CYP39A1: variants seen among roughly 807,000 people sequenced by gnomAD.
CYP39A1 encodes the protein 24-hydroxycholesterol 7-alpha-hydroxylase.
A neutral mutation model predicts 58.1 loss-of-function variants in CYP39A1; 49 were observed. The ratio of observed to expected loss-of-function variants is 0.84; its 90% CI spans 0.67 to 1.07. The LOEUF is 1.07. Ranked by LOEUF, CYP39A1 falls within the 50% of genes least tolerant of loss-of-function variation. The pLI is 0.00. For missense variants in CYP39A1, 531 were observed against 539.4 expected (o/e 0.98, Z 0.16); for synonymous variants, 209 against 187.6 (o/e 1.11, Z -0.93).
chr6:46,630,495 T>G (rs1448044791), intron 6 of CYP39A1, among the ~76,000 whole-genome samples: 1 of 152,090 alleles, frequency 6.6e-6, no homozygotes, highest in Non-Finnish European at 1.5e-5. Flanking sequence ...CACAGAAAAT[T>G]TAAATTACCA....
At chr6:46,617,419 A>G (rs2150560938) in intron 7 of CYP39A1, among the ~76,000 whole-genome samples, 1 of 152,160 alleles carries the variant, frequency 6.6e-6, no homozygotes, top group Non-Finnish European at 1.5e-5. Flanking sequence ...AGTGGGTCAA[A>G]CCTACCATCA....
chr6:46,577,311 C>A (rs776803462), intron 10 of CYP39A1, among the ~76,000 whole-genome samples: 15 of 152,116 alleles, frequency 9.9e-5, no homozygotes, highest in Non-Finnish European at 1.6e-4. Context: ...TCATTATCTG[C>A]CGCCACAAAA....
chr6:46,594,770 G>A (rs1773044478), intron 8 of CYP39A1, among the ~76,000 whole-genome samples: 1 of 151,776 alleles, frequency 6.6e-6, no homozygotes, highest in South Asian at 2.1e-4. Flanking sequence ...TTGAGAATAT[G>A]AATCCAAAAG....
In CYP39A1 at chr6:46,639,625, G is replaced by A. The variant is rs935916531; in HGVS notation, c.357C>T (p.Leu119=). 2.5e-6 allele frequency: 4 copies of A among 1,613,866 alleles called. No individual in the cohort carries two copies. The highest frequency in any genetic ancestry group is 3.4e-6 in the Non-Finnish European group (4 of 1,179,904). ...KNVFLALHEK[L]YIMLKGKMGT... ...CCATTTTCCCTTTCAACATAATATA[G>A]AGTTTTTCATGCAGTGCTAAAAAGA... The change falls in exon 3 of 12, where the codon CTC becomes CTT. Residue 119 remains leucine (L), a synonymous_variant. Transcript: ENST00000275016.
At chr6:46,633,478 G>A (rs1775777415) in intron 5 of CYP39A1, among the ~76,000 whole-genome samples, 2 of 151,992 alleles carry the variant, frequency 1.3e-5, no homozygotes, top group South Asian at 4.2e-4. Context: ...TGCTTCACTA[G>A]GCCACTGAAA....
intron 7 of CYP39A1, among the ~76,000 whole-genome samples, chr6:46,599,967 T>A (rs939112790): frequency 6.6e-6 from 1 of 152,102 alleles, no homozygotes; most frequent in African/African-American, 2.4e-5. Context: ...AAATCATCCA[T>A]GATAATTCTG....
intron 7 of CYP39A1, among the ~76,000 whole-genome samples, chr6:46,607,769 G>GA (rs545273679): frequency 1.3e-5 from 2 of 151,912 alleles, no homozygotes; most frequent in Non-Finnish European, 2.9e-5. Context: ...ATGAAAAGAT[G>GA]AAAAAAATGC....
chr6:46,613,077 A>C (rs1039946333), intron 7 of CYP39A1, among the ~76,000 whole-genome samples: 1 of 152,252 alleles, frequency 6.6e-6, no homozygotes, highest in Non-Finnish European at 1.5e-5. Context: ...GCAATAAAGT[A>C]AAACTAATCA....
chr6:46,627,617 A>G (rs1775400651), intron 6 of CYP39A1, among the ~76,000 whole-genome samples: 1 of 151,898 alleles, frequency 6.6e-6, no homozygotes, highest in African/African-American at 2.4e-5. Context: ...ACAGGGTTTC[A>G]CCGTGTTAGC....
intron 10 of CYP39A1, among the ~76,000 whole-genome samples, chr6:46,573,876 T>C (rs1771719382): frequency 6.6e-6 from 1 of 152,204 alleles, no homozygotes; most frequent in African/African-American, 2.4e-5. Flanking sequence ...TTAACTTACA[T>C]GATTAGGAAG....
At chr6:46,559,732 A>C (rs1008678600) in intron 10 of CYP39A1, among the ~76,000 whole-genome samples, 1 of 152,214 alleles carries the variant, frequency 6.6e-6, no homozygotes, top group African/African-American at 2.4e-5. Context: ...ATTTAAATGG[A>C]TAACTAGGTT....
intron 7 of CYP39A1, among the ~76,000 whole-genome samples, chr6:46,613,443 C>A (rs1161813973): frequency 6.6e-6 from 1 of 152,118 alleles, no homozygotes; most frequent in Non-Finnish European, 1.5e-5. Flanking sequence ...TCTGTATGTG[C>A]CTTTTATGAT....
chr6:46,613,387 T>G (rs886755661), intron 7 of CYP39A1, among the ~76,000 whole-genome samples: 1 of 152,198 alleles, frequency 6.6e-6, no homozygotes, highest in Non-Finnish European at 1.5e-5. Context: ...AGTGACAAGA[T>G]TGAAATTCAT....
intron 10 of CYP39A1, among the ~76,000 whole-genome samples, chr6:46,580,706 C>A (rs1772087147): frequency 6.6e-6 from 1 of 152,040 alleles, no homozygotes; most frequent in African/African-American, 2.4e-5. Flanking sequence ...ACAGACATTT[C>A]TCAAAAAAAG....
At chr6:46,606,721 GC>G (rs1773868269) in intron 7 of CYP39A1, among the ~76,000 whole-genome samples, 2 of 152,022 alleles carry the variant, frequency 1.3e-5, no homozygotes, top group Non-Finnish European at 2.9e-5. Context: ...TTCAGAAATA[GC>G]AAAAAAAGTT....
chr6:46,608,668 G>T (rs1403229880), intron 7 of CYP39A1, among the ~76,000 whole-genome samples: 1 of 151,704 alleles, frequency 6.6e-6, no homozygotes, highest in Admixed American at 6.6e-5. Context: ...AGGCTAGAGT[G>T]CAGTGGCACA....
At chr6:46,634,939 AATGCAAAGAAC>A (rs1225230383) in intron 5 of CYP39A1, among the ~76,000 whole-genome samples, 1 of 152,218 alleles carries the variant, frequency 6.6e-6, no homozygotes, top group Non-Finnish European at 1.5e-5. Flanking sequence ...CCTGGAAAAT[AATGCAAAGAAC>A]ATGTGTGTTT....
Position 46,617,627 on chromosome 6 carries a change from A to G in CYP39A1, c.931+7791T>C, listed in dbSNP as rs151013925. 2.1e-3 allele frequency among the ~76,000 whole-genome samples: 314 copies of G among 152,246 alleles called. 2 individuals are homozygous for G. The highest frequency in any genetic ancestry group is 7.4e-3 in the African/African-American group (308 of 41,568). On this transcript the variant is annotated intron_variant, in intron 7 of 11. Transcript: ENST00000275016. ...AATTTTGAAACAAGGAGATTTGCTG[A>G]TTTGTATTGTCAACTTTCATGCCAA... is the stretch of plus-strand genomic sequence containing the variant.
At chr6:46,580,905 T>C (rs990257892) in intron 10 of CYP39A1, among the ~76,000 whole-genome samples, 3 of 152,178 alleles carry the variant, frequency 2.0e-5, no homozygotes, top group East Asian at 1.9e-4. Context: ...CTGATGAGAA[T>C]GTAAAATAGT....
Sources: allele counts gnomAD v4.1 joint callset (sites outside exome capture counted in the v4.1 genomes callset), GRCh38; gene constraint gnomAD v4.1.1; transcripts MANE v1.5; gene names NCBI Gene and HGNC (gene_info 2026-07-23, HGNC 2026-07-21).